The following UNC13B variants were observed in gnomAD, a reference collection of about 807,000 sequenced individuals.
UNC13B encodes protein unc-13 homolog B.
Under a neutral mutation model 211.0 loss-of-function variants are expected in UNC13B, and 144 were observed. The observed-to-expected ratio is 0.68, with a 90% CI of 0.60 to 0.78. The LOEUF is 0.78. UNC13B is among the 30% of genes least tolerant of loss of function. The pLI, the probability that UNC13B is intolerant of heterozygous loss-of-function variation, is 0.00. For synonymous variants in UNC13B, 709 were observed against 725.8 expected (o/e 0.98, Z 0.37); for missense variants, 1,777 against 2,002.0 (o/e 0.89, Z 2.14).
intron 11 of UNC13B, chr9:35,361,676 T>C (rs1833420927): frequency 6.6e-6 from 1 of 152,188 alleles, no homozygotes; most frequent in African/African-American, 2.4e-5. Flanking sequence ...ACAACTACAA[T>C]ATATGATACT....
intron 8 of UNC13B, among the ~76,000 whole-genome samples, chr9:35,297,648 C>G (rs1366963737): frequency 6.8e-6 from 1 of 147,972 alleles, no homozygotes; most frequent in African/African-American, 2.5e-5. Context: ...CTCCCGGGTT[C>G]ACGCCATTCT....
chr9:35,382,030 G>T (rs146110169), intron 20 of UNC13B, among the ~76,000 whole-genome samples: 3 of 152,324 alleles, frequency 2.0e-5, no homozygotes, highest in Middle Eastern at 3.4e-3. Flanking sequence ...CAGGGTATGT[G>T]TGCTCGTGTA....
In UNC13B at chr9:35,300,354, C is replaced by T. The variant is rs1016594613; in HGVS notation, c.950C>T (p.Pro317Leu). The stretch of plus-strand genomic sequence containing the variant: ...GAAAAGAAACAAAATATGGGGTACC[C>T]AGTTTTGTACCCCTACAAAAATGGA... ...HTEKKQNMGYPVLYPYKNGFV... is the reference protein window; with the variant it reads ...HTEKKQNMGYLVLYPYKNGFV... The change falls in exon 9 of 40, where the codon CCA becomes CTA. Residue 317 changes from proline to leucine, a missense_variant. Pro to Leu is a moderately conservative substitution (Grantham distance 98). Coordinates refer to ENST00000635942, the MANE Select transcript of UNC13B (RefSeq NM_001371189.2). The T allele has an allele frequency of 2.0e-5, 8 of 398,716 alleles. No individual in the cohort carries two copies. Among genetic ancestry groups the T allele is most frequent in the Non-Finnish European group, 3.5e-5 (8 of 226,024 alleles). 24.7% of individuals were successfully genotyped at this position (398,716 alleles called of 1,614,324 possible).
At chr9:35,313,103 T>C (rs1346403485) in intron 10 of UNC13B, among the ~76,000 whole-genome samples, 1 of 152,190 alleles carries the variant, frequency 6.6e-6, no homozygotes. Context: ...ATTCCACCCC[T>C]CTCTGCATGG....
At chr9:35,360,603 T>C (rs551552138) in intron 11 of UNC13B, 62 of 152,366 alleles carry the variant, frequency 4.1e-4, no homozygotes, top group African/African-American at 1.4e-3. Flanking sequence ...CCAGCACTGA[T>C]TGAGAACAGT....
chr9:35,182,100 T>C (rs1248673752), intron 1 of UNC13B, among the ~76,000 whole-genome samples: 1 of 152,216 alleles, frequency 6.6e-6, no homozygotes, highest in East Asian at 1.9e-4. Flanking sequence ...TATTTTTGAA[T>C]ACTACTTCTT....
Position 35,304,231 on chromosome 9 carries a change from T to A in UNC13B, c.4827T>A (p.Pro1609=), listed in dbSNP as rs146939721. 6.5e-4 allele frequency: 259 copies of A among 398,822 alleles called. No individual in the cohort carries two copies. The highest frequency in any genetic ancestry group is 4.6e-3 in the African/African-American group (226 of 48,738). The allele number at this position is 398,822 out of a possible 1,614,324, so 24.7% of individuals were successfully genotyped here. Residue 1609 remains proline, a synonymous_variant, in exon 9 of 40, where the codon CCT becomes CCA. Coordinates refer to ENST00000635942, the MANE Select transcript of UNC13B (RefSeq NM_001371189.2). ...TTGAAGAGGAACCAATTGATGACCCTCTTGATTTATCTTTAGCTTTGCCAA... is the reference window on the plus strand; with the variant it reads ...TTGAAGAGGAACCAATTGATGACCCACTTGATTTATCTTTAGCTTTGCCAA... ...WYVEEEPIDD[P]LDLSLALPRS...
At position 35,302,753 on chromosome 9, in the gene UNC13B, A is replaced by G; in HGVS notation, c.3349A>G (p.Ile1117Val). The G allele has an allele frequency of 2.5e-6, 1 of 398,652 alleles. No individual in the cohort carries two copies. 24.7% of individuals were successfully genotyped at this position (398,652 alleles called of 1,614,324 possible). A position where few individuals can be genotyped will look rare whatever the true frequency, so the allele number is the denominator to read the frequency against. The change falls in exon 9 of 40, where the codon ATT (isoleucine) becomes GTT (valine). Residue 1117 changes from isoleucine to valine, a missense_variant. Transcript: ENST00000635942. Reference sequence around the variant, plus strand: ...AGCATCAGACTCTTCATTAGAGTGTATTTCTACCACTTCCAAATCCACTTT... The same window carrying G: ...AGCATCAGACTCTTCATTAGAGTGTGTTTCTACCACTTCCAAATCCACTTT... Reference protein sequence around the residue: ...SVASDSSLECISTTSKSTLVN... With the variant: ...SVASDSSLECVSTTSKSTLVN...
chr9:35,290,306 C>G (rs1341988868), intron 7 of UNC13B, among the ~76,000 whole-genome samples: 1 of 151,766 alleles, frequency 6.6e-6, no homozygotes, highest in Non-Finnish European at 1.5e-5. Flanking sequence ...ATCTAGGTCT[C>G]TCTCAGAACA....
At chr9:35,376,325 A>G (rs1834408747) in intron 15 of UNC13B, 78 bp downstream of exon 15, 1 of 1,426,788 alleles carries the variant, frequency 7.0e-7, no homozygotes, top group Non-Finnish European at 9.7e-7. Flanking sequence ...AAGAGCTGGG[A>G]TGGCTGAACC....
At chr9:35,274,255 T>C (rs1828048938) in intron 7 of UNC13B, among the ~76,000 whole-genome samples, 1 of 152,146 alleles carries the variant, frequency 6.6e-6, no homozygotes, top group South Asian at 2.1e-4. Flanking sequence ...TCTTTTTTTG[T>C]AGAAATGGGG....
intron 13 of UNC13B, 92 bp from the exon 14 acceptor site, chr9:35,375,035 T>C: frequency 8.2e-7 from 1 of 1,220,592 alleles, no homozygotes. Context: ...TAGTAAGCTA[T>C]AGTCAAGTGG....
At position 35,184,808 on chromosome 9, in the gene UNC13B, GGGGGGGGAGA is replaced by G. The variant is rs1472935832; in HGVS notation, c.22+22505_22+22514del. Among the ~76,000 whole-genome samples, 244 of 96,068 alleles carry G rather than the reference GGGGGGGGAGA, an allele frequency of 2.5e-3. 3 individuals are homozygous for G. In the South Asian group the frequency reaches 0.027, roughly 11 times the overall value. 63.0% of individuals were successfully genotyped at this position (96,068 alleles called of 152,430 possible). A position where few individuals can be genotyped will look rare whatever the true frequency, so the allele number is the denominator to read the frequency against. On this transcript the variant is annotated intron_variant, in intron 1 of 39. Transcript: ENST00000635942. ...GAAAGAAAGAGAAAGAAGCGGGGGG[GGGGGGGGAGA>G]GAGAGAGAGAGAGAGGAGAAAGAAA...
chr9:35,227,729 A>G, intron 1 of UNC13B: 1 of 337,968 alleles, frequency 3.0e-6, no homozygotes, highest in Non-Finnish European at 5.3e-6. Flanking sequence ...GATATCTCAC[A>G]TGAAACTGGC....
At chr9:35,315,262 A>G (rs1395218500) in intron 11 of UNC13B, among the ~76,000 whole-genome samples, 1 of 151,978 alleles carries the variant, frequency 6.6e-6, no homozygotes, top group East Asian at 1.9e-4. Flanking sequence ...TGATATAATG[A>G]TTTATTGAAG....
At chr9:35,355,637 C>T (rs533077908) in intron 11 of UNC13B, among the ~76,000 whole-genome samples, 2 of 152,274 alleles carry the variant, frequency 1.3e-5, no homozygotes, top group South Asian at 4.1e-4. Flanking sequence ...ATACATGCTT[C>T]CTTCTAACAT....
At chr9:35,277,925 G>A (rs888724225) in intron 7 of UNC13B, among the ~76,000 whole-genome samples, 9 of 151,922 alleles carry the variant, frequency 5.9e-5, no homozygotes, top group African/African-American at 2.2e-4. Context: ...AGGTGGCAAA[G>A]GAATAAATAA....
chr9:35,167,713 G>GA (rs958540940), intron 1 of UNC13B, among the ~76,000 whole-genome samples: 8 of 145,228 alleles, frequency 5.5e-5, no homozygotes, highest in African/African-American at 1.8e-4. Context: ...TCAGCCTCTT[G>GA]AGTAGCTGGG....
At chr9:35,213,442 C>T (rs185692919) in intron 1 of UNC13B, among the ~76,000 whole-genome samples, 10 of 152,236 alleles carry the variant, frequency 6.6e-5, no homozygotes, top group Non-Finnish European at 1.3e-4. Flanking sequence ...TTACAGCCTC[C>T]AGAACTGTGA....
Sources: gnomAD v4.1 joint callset for allele counts (sites outside exome capture counted in the v4.1 genomes callset) on GRCh38, gnomAD v4.1.1 for gene constraint, MANE v1.5 for transcripts, NCBI Gene and HGNC (gene_info 2026-07-23, HGNC 2026-07-21) for gene names.